AGBL4: variants seen among roughly 807,000 people sequenced by gnomAD.
The protein encoded by AGBL4 is AGBL carboxypeptidase 4.
Under a neutral mutation model 66.4 loss-of-function variants are expected in AGBL4, and 58 were observed. That is an observed-to-expected ratio of 0.87 (90% confidence interval 0.71 to 1.09). AGBL4 has a LOEUF of 1.09. AGBL4 is among the 50% of genes least tolerant of loss of function. The pLI is 0.00. For synonymous variants in AGBL4, 234 were observed against 222.9 expected (o/e 1.05, Z -0.44); for missense variants, 579 against 631.0 (o/e 0.92, Z 0.88).
At chr1:49,077,088 C>CTG (rs945515100) in intron 4 of AGBL4, among the ~76,000 whole-genome samples, 2 of 124,832 alleles carry the variant, frequency 1.6e-5, no homozygotes, top group South Asian at 2.5e-4. Context: ...CAGTGAACTT[C>CTG]TGTGTGCGTG....
chr1:49,914,100 T>G (rs1350314376), intron 1 of AGBL4, among the ~76,000 whole-genome samples: 1 of 152,192 alleles, frequency 6.6e-6, no homozygotes, highest in Non-Finnish European at 1.5e-5. Flanking sequence ...GCCACACCAT[T>G]GTTTCACTCT....
chr1:49,880,835 G>T (rs1161319752), intron 1 of AGBL4, among the ~76,000 whole-genome samples: 1 of 151,862 alleles, frequency 6.6e-6, no homozygotes. Context: ...AGGGCCCTCC[G>T]AGCCAGGTGT....
chr1:48,570,824 C>A (rs959081035), intron 11 of AGBL4, among the ~76,000 whole-genome samples: 1 of 152,076 alleles, frequency 6.6e-6, no homozygotes, highest in Non-Finnish European at 1.5e-5. Flanking sequence ...TGCCTTAGTG[C>A]GTATAAGTAG....
At chr1:48,664,937 G>C (rs998137906) in intron 6 of AGBL4, among the ~76,000 whole-genome samples, 66 of 152,222 alleles carry the variant, frequency 4.3e-4, no homozygotes, top group Admixed American at 4.3e-3. Context: ...TCTGGAGGGA[G>C]AGAATAGAAA....
At chr1:49,272,226 T>C (rs905114583) in intron 3 of AGBL4, among the ~76,000 whole-genome samples, 2 of 152,230 alleles carry the variant, frequency 1.3e-5, no homozygotes, top group South Asian at 4.1e-4. Flanking sequence ...CAGGATTCAG[T>C]GTAAAAATAA....
chr1:49,740,941 G>A (rs901323757), intron 2 of AGBL4, among the ~76,000 whole-genome samples: 2 of 152,072 alleles, frequency 1.3e-5, no homozygotes, highest in Non-Finnish European at 2.9e-5. Context: ...GCCCAGGAGA[G>A]AAGCAAGACT....
intron 1 of AGBL4, among the ~76,000 whole-genome samples, chr1:50,001,994 C>CA: frequency 6.6e-6 from 1 of 152,156 alleles, no homozygotes; most frequent in Non-Finnish European, 1.5e-5. Context: ...TTCCTGATAA[C>CA]AAAAATTTAT....
At chr1:48,701,738 G>A (rs574124253) in intron 6 of AGBL4, among the ~76,000 whole-genome samples, 4 of 152,180 alleles carry the variant, frequency 2.6e-5, no homozygotes, top group Non-Finnish European at 5.9e-5. Context: ...GGTGTGTTTT[G>A]TGCATTCACC....
chr1:49,300,132 G>C (rs1426865631), intron 3 of AGBL4, among the ~76,000 whole-genome samples: 1 of 152,136 alleles, frequency 6.6e-6, no homozygotes, highest in Non-Finnish European at 1.5e-5. Context: ...GAAGGCAAAT[G>C]TTATTCTACC....
intron 3 of AGBL4, among the ~76,000 whole-genome samples, chr1:49,660,397 T>C (rs1037061256): frequency 5.3e-5 from 8 of 152,060 alleles, no homozygotes; most frequent in African/African-American, 1.9e-4. Context: ...AAAACCACAA[T>C]GAGATACTAT....
At chr1:49,508,624 T>A (rs1648909614) in intron 3 of AGBL4, among the ~76,000 whole-genome samples, 1 of 151,966 alleles carries the variant, frequency 6.6e-6, no homozygotes, top group South Asian at 2.1e-4. Context: ...AACTCTGACC[T>A]AGTTTGGCTA....
At chr1:49,134,286 CTG>C (rs966216314) in intron 4 of AGBL4, among the ~76,000 whole-genome samples, 1 of 152,114 alleles carries the variant, frequency 6.6e-6, no homozygotes, top group Non-Finnish European at 1.5e-5. Flanking sequence ...CCATGTACCA[CTG>C]TGCACACATT....
At chr1:48,588,851 A>AGAAGAGAAGAGAAGGGAAGAGAAGG (rs768116947) in intron 10 of AGBL4, among the ~76,000 whole-genome samples, 1 of 139,042 alleles carries the variant, frequency 7.2e-6, no homozygotes, top group Admixed American at 7.2e-5. Context: ...AGAAGAGAAG[A>AGAAGAGAAGAGAAGGGAAGAGAAGG]GAAGAGAAGG....
chr1:49,307,743 C>T (rs549143537), intron 3 of AGBL4, among the ~76,000 whole-genome samples: 37 of 152,212 alleles, frequency 2.4e-4, no homozygotes, highest in African/African-American at 2.2e-4. Context: ...AATTTTATCC[C>T]TCCTGGGCCT....
intron 3 of AGBL4, among the ~76,000 whole-genome samples, chr1:49,572,680 T>C (rs1325192625): frequency 1.3e-5 from 2 of 152,238 alleles, no homozygotes; most frequent in Non-Finnish European, 2.9e-5. Flanking sequence ...TGTATTTCTG[T>C]GCAGTCAGTG....
intron 5 of AGBL4, among the ~76,000 whole-genome samples, chr1:48,983,934 T>A (rs1007785687): frequency 1.4e-4 from 21 of 152,110 alleles, no homozygotes; most frequent in Admixed American, 3.9e-4. Context: ...AGGGATCTGA[T>A]CTAGGGCTAG....
At chr1:48,624,630 C>T (rs372558983) in intron 9 of AGBL4, among the ~76,000 whole-genome samples, 1 of 152,116 alleles carries the variant, frequency 6.6e-6, no homozygotes, top group South Asian at 2.1e-4. Context: ...CACTGAGCTA[C>T]CAATAAGCAT....
intron 3 of AGBL4, among the ~76,000 whole-genome samples, chr1:49,667,817 CAAAAG>C (rs1646399047): frequency 6.6e-6 from 1 of 152,060 alleles, no homozygotes; most frequent in African/African-American, 2.4e-5. Flanking sequence ...TGAGATTAAA[CAAAAG>C]AAGAGGAATG....
intron 5 of AGBL4, among the ~76,000 whole-genome samples, chr1:48,926,446 A>ATTTTTTTTTTTTT (rs562349327): frequency 7.0e-6 from 1 of 142,734 alleles, no homozygotes; most frequent in African/African-American, 2.6e-5. Flanking sequence ...GGCCTAGCTA[A>ATTTTTTTTTTTTT]TTTTTTTTTT....
Sources: allele counts gnomAD v4.1 joint callset (sites outside exome capture counted in the v4.1 genomes callset), GRCh38; gene constraint gnomAD v4.1.1; transcripts MANE v1.5; gene names NCBI Gene and HGNC (gene_info 2026-07-23, HGNC 2026-07-21).